Variants in FARS2 observed in about 807,000 individuals in gnomAD.
FARS2 encodes phenylalanine--tRNA ligase, mitochondrial.
In FARS2, 40 loss-of-function variants were observed where a neutral mutation model predicts 46.4. The observed-to-expected ratio is 0.86, with a 90% CI of 0.67 to 1.12. The LOEUF is 1.12. Among genes scored for constraint, FARS2 ranks in the 50% most tolerant of loss-of-function variants. The probability of loss-of-function intolerance (pLI) is 0.00; values close to 1 mark genes in which losing one functional copy is unlikely to be tolerated. For missense variants in FARS2, 513 were observed against 567.9 expected, an observed-to-expected ratio of 0.90 and a Z score of 0.98; for synonymous variants, 234 against 214.9, an observed-to-expected ratio of 1.09 and a Z score of -0.78.
intron 2 of FARS2, among the ~76,000 whole-genome samples, chr6:5,389,343 G>A (rs1760340695): frequency 6.6e-6 from 1 of 151,690 alleles, no homozygotes; most frequent in East Asian, 1.9e-4. Flanking sequence ...CTTGTGTCCT[G>A]TCTCTCTCTC....
intron 4 of FARS2, among the ~76,000 whole-genome samples, chr6:5,509,375 T>C (rs1369388246): frequency 6.6e-6 from 1 of 152,204 alleles, no homozygotes; most frequent in Non-Finnish European, 1.5e-5. Context: ...CAGCGGCCCC[T>C]CCGTCTGGTG....
intron 6 of FARS2, among the ~76,000 whole-genome samples, chr6:5,736,390 G>T (rs1760949352): frequency 1.3e-5 from 2 of 152,218 alleles, no homozygotes; most frequent in African/African-American, 4.8e-5. Context: ...ACACCAGGAG[G>T]TGGGGATCTC....
intron 6 of FARS2, among the ~76,000 whole-genome samples, chr6:5,698,263 C>G (rs1440671163): frequency 6.6e-6 from 1 of 152,180 alleles, no homozygotes; most frequent in Non-Finnish European, 1.5e-5. Flanking sequence ...AGGGAGGCCT[C>G]GGGAAGCTCA....
At position 5,435,923 on chromosome 6, in the gene FARS2, G is replaced by C. The variant is rs369858018; in HGVS notation, c.904+4751G>C. On this transcript the variant is annotated intron_variant, in intron 4 of 6. Transcript: ENST00000274680. ...TCTTTGGGGAAAACCTTATAAATAG[G>C]TACATGAACAGCTTCCGGTTTTGAA... Among the ~76,000 whole-genome samples the C allele has an allele frequency of 3.1e-4, 47 of 152,270 alleles. 1 individual carries two copies. In the South Asian group the frequency reaches 8.7e-3, roughly 28 times the overall value.
At chr6:5,405,801 A>G (rs1460326474) in intron 3 of FARS2, among the ~76,000 whole-genome samples, 1 of 152,182 alleles carries the variant, frequency 6.6e-6, no homozygotes, top group South Asian at 2.1e-4. Flanking sequence ...CCAGTGGAGC[A>G]AGGTTCTTAA....
chr6:5,652,400 G>A (rs1213112100), intron 6 of FARS2, among the ~76,000 whole-genome samples: 2 of 152,294 alleles, frequency 1.3e-5, no homozygotes, highest in East Asian at 1.9e-4. Context: ...AAATAAAAGC[G>A]AAACTTTAGA....
In FARS2 at chr6:5,643,478, G is replaced by A. The variant is rs144992918; in HGVS notation, c.1217+30158G>A. 5.2e-4 allele frequency among the ~76,000 whole-genome samples: 79 copies of A among 152,324 alleles called. No individual in the cohort carries two copies. In the East Asian group the frequency reaches 0.014, roughly 28 times the overall value. On this transcript the variant is annotated intron_variant, in intron 6 of 6. Coordinates refer to ENST00000274680, the MANE Select transcript of FARS2 (RefSeq NM_006567.5). ...GAATAAGCATGGAGGTCTGCTCCAGGGAGTGATGCCGACATTCGTTCATTC... is the reference window on the plus strand; with the variant it reads ...GAATAAGCATGGAGGTCTGCTCCAGAGAGTGATGCCGACATTCGTTCATTC...
intron 4 of FARS2, among the ~76,000 whole-genome samples, chr6:5,478,669 C>T (rs546993197): frequency 2.6e-5 from 4 of 152,312 alleles, no homozygotes; most frequent in East Asian, 1.9e-4. Flanking sequence ...CTTGCAAGTG[C>T]GGAACAACCA....
intron 4 of FARS2, among the ~76,000 whole-genome samples, chr6:5,496,816 G>A (rs1022661115): frequency 5.9e-5 from 9 of 152,102 alleles, no homozygotes; most frequent in Non-Finnish European, 1.2e-4. Context: ...CATATATGAA[G>A]TTTTTGTTGT....
At chr6:5,369,782 G>C (rs1170617091) in intron 2 of FARS2, among the ~76,000 whole-genome samples, 1 of 151,986 alleles carries the variant, frequency 6.6e-6, no homozygotes, top group African/African-American at 2.4e-5. Context: ...GATGCATGGA[G>C]CCTTTTCCCA....
chr6:5,491,131 T>C (rs1767081975), intron 4 of FARS2, among the ~76,000 whole-genome samples: 2 of 152,232 alleles, frequency 1.3e-5, no homozygotes, highest in Admixed American at 1.3e-4. Flanking sequence ...CTAGTAGTTA[T>C]GTGATGGCAC....
At chr6:5,253,845 A>G in the FARS2 span, among the ~76,000 whole-genome samples, 129 of 152,278 alleles carry the variant, frequency 8.5e-4, no homozygotes, top group African/African-American at 3.0e-3. Context: ...AAAAAAAAAA[A>G]AAACCATCGT....
chr6:5,634,460 G>A (rs965393972), intron 6 of FARS2, among the ~76,000 whole-genome samples: 1 of 152,052 alleles, frequency 6.6e-6, no homozygotes, highest in Non-Finnish European at 1.5e-5. Context: ...ATACCACCAT[G>A]CCCAGCTAAT....
At chr6:5,525,602 G>A (rs1769414743) in intron 4 of FARS2, among the ~76,000 whole-genome samples, 1 of 152,212 alleles carries the variant, frequency 6.6e-6, no homozygotes, top group South Asian at 2.1e-4. Flanking sequence ...AAAACTGTGT[G>A]AGTGTCAATG....
rs144723033 is a variant in FARS2 at position 5,356,006 on chromosome 6, C to G, written c.-21-12544C>G. Among the ~76,000 whole-genome samples the G allele has an allele frequency of 3.5e-3, 529 of 152,236 alleles. 3 individuals are homozygous for G. The highest frequency in any genetic ancestry group is 0.012 in the African/African-American group (485 of 41,542). On this transcript the variant is annotated intron_variant, in intron 1 of 6. Transcript: ENST00000274680. Reference sequence around the variant, plus strand: ...CAACAGGGGGAATAAATCTGACTTGCCCGATGCGCATGTTCCCAGCTGAGG... The same window carrying G: ...CAACAGGGGGAATAAATCTGACTTGGCCGATGCGCATGTTCCCAGCTGAGG...
chr6:5,305,868 T>A (rs1316947391), intron 1 of FARS2, among the ~76,000 whole-genome samples: 1 of 152,194 alleles, frequency 6.6e-6, no homozygotes, highest in African/African-American at 2.4e-5. Flanking sequence ...GAGGCAGTAG[T>A]CAGATGGGGG....
Position 5,311,972 on chromosome 6 carries a change from C to T in FARS2, c.-22+50312C>T, listed in dbSNP as rs1769107401. 1.3e-5 allele frequency among the ~76,000 whole-genome samples: 2 copies of T among 152,106 alleles called. No individual in the cohort carries two copies. The highest frequency in any genetic ancestry group is 4.1e-4 in the South Asian group (2 of 4,830). ...TTAGTTTAAATAACTTTCCGTGCAT[C>T]GTAGAATCTTCGGTGTGTTGAAGGG... is the stretch of plus-strand genomic sequence containing the variant. On this transcript the variant is annotated intron_variant, in intron 1 of 6. Transcript: ENST00000274680. The surrounding 1 kb of genome is among the most constrained non-coding windows in gnomAD (Gnocchi z 4.1).
intron 2 of FARS2, among the ~76,000 whole-genome samples, chr6:5,394,966 CTT>C (rs1331078187): frequency 2.0e-5 from 3 of 151,924 alleles, no homozygotes; most frequent in South Asian, 2.1e-4. Context: ...AGGCCTCTCT[CTT>C]TTTTTTGCCG....
At chr6:5,314,716 A>T (rs1484713947) in intron 1 of FARS2, among the ~76,000 whole-genome samples, 1 of 152,196 alleles carries the variant, frequency 6.6e-6, no homozygotes, top group Non-Finnish European at 1.5e-5. Flanking sequence ...TGACCCATGC[A>T]GGTCCTCGTC....
Sources: allele counts gnomAD v4.1 joint callset (sites outside exome capture counted in the v4.1 genomes callset), GRCh38; gene constraint gnomAD v4.1.1; non-coding constraint Gnocchi (gnomAD v3.1); transcripts MANE v1.5; gene names NCBI Gene and HGNC (gene_info 2026-07-23, HGNC 2026-07-21).